Variants in HIPK1 observed in about 807,000 individuals in gnomAD.
HIPK1 encodes the protein homeodomain interacting protein kinase 1.
Under a neutral mutation model 117.1 loss-of-function variants are expected in HIPK1, and 28 were observed. That is an observed-to-expected ratio of 0.24 (90% confidence interval 0.18 to 0.33). The LOEUF is 0.33. HIPK1 is among the 10% of genes least tolerant of loss of function. The probability of loss-of-function intolerance (pLI) is 1.00; values close to 1 mark genes in which losing one functional copy is unlikely to be tolerated. For synonymous variants in HIPK1, 605 were observed against 562.5 expected (o/e 1.08, Z -1.07); for missense variants, 1,122 against 1,475.1 (o/e 0.76, Z 3.92).
At chr1:113,930,995 A>G (rs1471905567) in intron 1 of HIPK1, 1 of 152,246 alleles carries the variant, frequency 6.6e-6, no homozygotes, top group African/African-American at 2.4e-5. Context: ...ACTTTCAGCT[A>G]TAGACTCTCT....
At chr1:113,954,564 C>T (rs1238547584) in intron 3 of HIPK1, 87 bp from the exon 4 acceptor site, 12 of 1,404,286 alleles carry the variant, frequency 8.5e-6, no homozygotes, top group Non-Finnish European at 1.2e-5. Context: ...TCTTCCTTTG[C>T]CTAAAGTTAA....
chr1:113,933,953 A>AT (rs1274110644), intron 1 of HIPK1, among the ~76,000 whole-genome samples: 9 of 152,210 alleles, frequency 5.9e-5, no homozygotes, highest in Non-Finnish European at 1.3e-4. Context: ...AAAACTTAGG[A>AT]GAGTAGAGAG....
intron 15 of HIPK1, 171 bp downstream of exon 15, chr1:113,972,125 A>G: frequency 1.9e-6 from 3 of 1,551,570 alleles, no homozygotes; most frequent in Non-Finnish European, 2.6e-6. Flanking sequence ...CTCTTCATTC[A>G]CTCTGTAAGT....
In HIPK1 at chr1:113,961,801, G is replaced by A. The variant is rs568958878; in HGVS notation, c.1982-516G>A. ...TCTACTGAAAATATAAAAATTAGAC[G>A]GGCGTGGTGGCGCACTCCTGTAGTC... On this transcript the variant is annotated intron_variant, in intron 8 of 15. Transcript: ENST00000426820. Among the ~76,000 whole-genome samples the A allele has an allele frequency of 4.6e-5, 7 of 151,822 alleles. No homozygotes were observed. The East Asian group carries it at 5.8e-4, about 13-fold the overall frequency.
chr1:113,963,245 A>G lies in HIPK1; in HGVS notation c.2104-142A>G, dbSNP rs527342418. ...ATGCCATACAAAGTTGAAGGGGGAA[A>G]GTTGTGTTTGGTATATGCATTTTAG... On this transcript the variant is annotated intron_variant, in intron 9 of 15. Coordinates refer to ENST00000426820, the MANE Select transcript of HIPK1 (RefSeq NM_198268.3). The G allele has an allele frequency of 1.7e-4, 153 of 911,224 alleles. 1 individual carries two copies. The African/African-American group carries it at 2.3e-3, about 14-fold the overall frequency. 56.4% of individuals were successfully genotyped at this position (911,224 alleles called of 1,614,324 possible).
Position 113,967,771 on chromosome 1 carries a change from C to A in HIPK1, c.2387C>A (p.Ala796Asp). ...CTTTCTTTCTGTTGGTACAGGAATG[C>A]CCACTCTCATGGCAACCAGTACAGC... ...SGQQLADWRN[A>D]HSHGNQYSTI... Residue 796 changes from alanine to aspartate, a missense_variant, in exon 12 of 16, where the codon GCC (alanine) becomes GAC (aspartate). Ala to Asp is a moderately radical substitution (Grantham distance 126). Around this residue, in one of 6 missense-constraint regions of HIPK1, gnomAD observed 731 missense variants for 860.4 expected, o/e 0.85. Coordinates refer to ENST00000426820, the MANE Select transcript of HIPK1 (RefSeq NM_198268.3). The A allele has an allele frequency of 1.3e-6, 2 of 1,523,570 alleles. No homozygotes were observed. Among genetic ancestry groups the A allele is most frequent in the South Asian group, 1.3e-5 (1 of 77,244 alleles). The allele number at this position is 1,523,570 out of a possible 1,614,324, so 94.4% of individuals were successfully genotyped here.
chr1:113,959,208 C>T (rs1047479947), intron 8 of HIPK1, among the ~76,000 whole-genome samples: 1 of 151,730 alleles, frequency 6.6e-6, no homozygotes, highest in African/African-American at 2.4e-5. Context: ...GCATTTTTGC[C>T]TTTTTACATC....
At chr1:113,960,814 G>T (rs1156937943) in intron 8 of HIPK1, among the ~76,000 whole-genome samples, 1 of 152,114 alleles carries the variant, frequency 6.6e-6, no homozygotes, top group African/African-American at 2.4e-5. Flanking sequence ...TTTGTACGTT[G>T]CTGGATTGTA....
Position 113,954,500 on chromosome 1 carries a change from G to A in HIPK1, c.1201-151G>A, listed in dbSNP as rs553972429. Reference sequence around the variant, plus strand: ...AGATACAGTAGCTGTGGATGGATTAGTATATATAGGTATTTACAGATAAAT... The same window carrying A: ...AGATACAGTAGCTGTGGATGGATTAATATATATAGGTATTTACAGATAAAT... On this transcript the variant is annotated intron_variant, in intron 3 of 15. Coordinates refer to ENST00000426820, the MANE Select transcript of HIPK1 (RefSeq NM_198268.3). The A allele has an allele frequency of 4.2e-5, 30 of 722,236 alleles. No individual in the cohort carries two copies. The African/African-American group carries it at 5.0e-4, about 12-fold the overall frequency. 44.7% of individuals were successfully genotyped at this position (722,236 alleles called of 1,614,324 possible).
intron 2 of HIPK1, among the ~76,000 whole-genome samples, chr1:113,942,335 C>T (rs1195941093): frequency 5.9e-5 from 9 of 152,148 alleles, no homozygotes; most frequent in African/African-American, 1.2e-4. Flanking sequence ...TGATTAGAGG[C>T]GTGAGCCACC....
chr1:113,958,025 T>C (rs917936514), intron 7 of HIPK1, 41 bp from the exon 8 acceptor site: 9 of 1,359,082 alleles, frequency 6.6e-6, no homozygotes, highest in Non-Finnish European at 9.5e-6. Flanking sequence ...TGTGTGTCTC[T>C]ACTTAATACA....
chr1:113,944,040 A>G (rs982234444), intron 2 of HIPK1, among the ~76,000 whole-genome samples: 8 of 151,574 alleles, frequency 5.3e-5, no homozygotes, highest in East Asian at 1.9e-4. Context: ...TTGTTGCCCA[A>G]TCTGGTCTCA....
Position 113,976,193 on chromosome 1 carries a change from AT to A in HIPK1, c.*2687del, listed in dbSNP as rs1164972154. On this transcript the variant is annotated 3_prime_UTR_variant, in exon 16 of 16. Transcript: ENST00000426820. ...ACCAGGAACATGTTGTGTTTTCTTTATTTTTTAAAATCATTATATTGAGTTG... is the reference window on the plus strand; with the variant it reads ...ACCAGGAACATGTTGTGTTTTCTTTATTTTTAAAATCATTATATTGAGTTG... 6.6e-6 allele frequency: 1 copy of A among 152,630 alleles called. No individual in the cohort carries two copies. The highest frequency in any genetic ancestry group is 1.5e-5 in the Non-Finnish European group (1 of 67,998). 9.5% of individuals were successfully genotyped at this position (152,630 alleles called of 1,614,324 possible).
rs1670622399 is a variant in HIPK1, at chr1:113,941,293, A to T, written c.910A>T (p.Met304Leu). The change falls in exon 2 of 16, where the codon ATG (methionine) becomes TTG (leucine). Residue 304 changes from methionine (M) to leucine (L), a missense_variant. Coordinates refer to ENST00000426820, the MANE Select transcript of HIPK1 (RefSeq NM_198268.3). The surrounding 1 kb of genome is among the most constrained non-coding windows in gnomAD (Gnocchi z 4.9). ...CTTGCAGCAGGTGGCCACAGCCTTG[A>T]TGAAGCTCAAGAGTCTTGGTCTGAT... is the stretch of plus-strand genomic sequence containing the variant. The part of the protein sequence containing the change: ...PILQQVATAL[M>L]KLKSLGLIHA... The T allele has an allele frequency of 5.0e-6, 8 of 1,614,226 alleles. No individual in the cohort carries two copies. The highest frequency in any genetic ancestry group is 5.9e-6 in the Non-Finnish European group (7 of 1,180,028).
chr1:113,941,799 G>A lies in HIPK1; in HGVS notation c.1076+340G>A, dbSNP rs186237549. Among the ~76,000 whole-genome samples the A allele has an allele frequency of 9.9e-4, 150 of 151,726 alleles. 1 individual carries two copies. Among genetic ancestry groups the A allele is most frequent in the Admixed American group, 1.7e-3 (26 of 15,262 alleles). ...TTTAGAGACAGAATCTCGCTCTGTC[G>A]CCCAGGCTGGAGTGCAGTGGCGTGA... On this transcript the variant is annotated intron_variant, in intron 2 of 15. Coordinates refer to ENST00000426820, the MANE Select transcript of HIPK1 (RefSeq NM_198268.3). This position sits in a 1 kb window ranked among gnomAD's most constrained non-coding sequence, Gnocchi z 4.9.
Position 113,975,598 on chromosome 1 carries a change from A to C in HIPK1, c.*2086A>C, listed in dbSNP as rs1045875501. On this transcript the variant is annotated 3_prime_UTR_variant, in exon 16 of 16. Transcript: ENST00000426820. The stretch of plus-strand genomic sequence containing the variant: ...GTAAAATATTTGCTTGTTGAAAAAA[A>C]CATGTTAACAGATGTGTTTATACCA... 3 of 152,740 alleles carry C rather than the reference A, an allele frequency of 2.0e-5. No homozygotes were observed. The East Asian group carries it at 5.6e-4, about 29-fold the overall frequency. 9.5% of individuals were successfully genotyped at this position (152,740 alleles called of 1,614,324 possible).
At chr1:113,939,215 C>A (rs1403983764) in intron 1 of HIPK1, among the ~76,000 whole-genome samples, 1 of 151,878 alleles carries the variant, frequency 6.6e-6, no homozygotes, top group Non-Finnish European at 1.5e-5. Flanking sequence ...AGTGCAGTGG[C>A]ACGATCACAG....
rs759955665 is a variant in HIPK1, at chr1:113,973,142, G to A, written c.3263G>A (p.Ser1088Asn). The A allele has an allele frequency of 2.9e-5, 46 of 1,601,772 alleles. No homozygotes were observed. The highest frequency in any genetic ancestry group is 3.6e-5 in the Non-Finnish European group (42 of 1,173,888). ...SQAPYTFQHG[S>N]PLHSTGHPHL... ...GCCCCCTACACCTTCCAGCATGGCA[G>A]CCCGCTACACTCGACAGGGCACCCA... Residue 1088 changes from serine (S) to asparagine (N), a missense_variant, in exon 16 of 16, where the codon AGC (serine) becomes AAC (asparagine). Ser to Asn is a conservative substitution (Grantham distance 46). Around this residue, in one of 6 missense-constraint regions of HIPK1, gnomAD observed 731 missense variants for 860.4 expected, o/e 0.85. Coordinates refer to ENST00000426820, the MANE Select transcript of HIPK1 (RefSeq NM_198268.3).
At chr1:113,958,429 A>T (rs75790377) in intron 8 of HIPK1, 138 bp downstream of exon 8, 2 of 618,830 alleles carry the variant, frequency 3.2e-6, no homozygotes, top group Non-Finnish European at 5.6e-6. Context: ...GGGTAATATC[A>T]CAAAATGGAT....
Sources: gnomAD v4.1 joint callset for allele counts (sites outside exome capture counted in the v4.1 genomes callset) on GRCh38, gnomAD v4.1.1 for gene constraint, gnomAD v4.1.1 regional missense constraint, Gnocchi (gnomAD v3.1) non-coding constraint, MANE v1.5 for transcripts, NCBI Gene and HGNC (gene_info 2026-07-23, HGNC 2026-07-21) for gene names.